COX6B1: variants seen among roughly 807,000 people sequenced by gnomAD.
COX6B1 encodes COX VIb-1.
COX6B1 carries 2 observed loss-of-function variants against 14.0 expected under a neutral mutation model. The ratio of observed to expected loss-of-function variants is 0.14; its 90% CI spans 0.06 to 0.45. The LOEUF is 0.45. COX6B1 is among the 20% of genes least tolerant of loss of function. The pLI is 0.98. For synonymous variants in COX6B1, 30 were observed against 39.7 expected, an observed-to-expected ratio of 0.76 and a Z score of 0.92; for missense variants, 81 against 114.2, an observed-to-expected ratio of 0.71 and a Z score of 1.33.
intron 3 of COX6B1, among the ~76,000 whole-genome samples, chr19:35,655,115 C>T (rs1166987032): frequency 1.3e-5 from 2 of 151,356 alleles, no homozygotes; most frequent in Non-Finnish European, 2.9e-5. Flanking sequence ...CTGCAACCTC[C>T]GCCTCCTGGG....
intron 1 of COX6B1, among the ~76,000 whole-genome samples, chr19:35,649,463 C>T (rs1967799979): frequency 6.6e-6 from 1 of 151,016 alleles, no homozygotes; most frequent in African/African-American, 2.4e-5. Context: ...CGCGCCACCA[C>T]ACCTGGCTAA....
At chr19:35,654,752 A>G in intron 3 of COX6B1, 81 bp downstream of exon 3, 1 of 1,252,146 alleles carries the variant, frequency 8.0e-7, no homozygotes, top group Non-Finnish European at 1.2e-6. Context: ...GTGGGAGCTC[A>G]TCTGTGAGGG....
chr19:35,651,446 G>A (rs1967823847), intron 2 of COX6B1, 97 bp downstream of exon 2: 3 of 886,230 alleles, frequency 3.4e-6, no homozygotes, highest in Non-Finnish European at 5.6e-6. Context: ...CTTTTATTCT[G>A]AACATCCTTA....
chr19:35,652,765 C>T (rs1240403808), intron 2 of COX6B1, among the ~76,000 whole-genome samples: 1 of 151,498 alleles, frequency 6.6e-6, no homozygotes, highest in Non-Finnish European at 1.5e-5. Flanking sequence ...TGTTTTTTAC[C>T]ACCATGTTTA....
In COX6B1 at chr19:35,658,669, T is replaced by A; in HGVS notation, c.*22T>A. 6.2e-7 allele frequency: 1 copy of A among 1,611,842 alleles called. No homozygotes were observed. The highest frequency in any genetic ancestry group is 8.5e-7 in the Non-Finnish European group (1 of 1,178,074). Reference sequence around the variant, plus strand: ...CTGAACTGGCTGCATCTCCCTTTCCTCTGTCCTCCATCCTTCTCCCAGGAT... The same window carrying A: ...CTGAACTGGCTGCATCTCCCTTTCCACTGTCCTCCATCCTTCTCCCAGGAT... On this transcript the variant is annotated 3_prime_UTR_variant, in exon 4 of 4. Coordinates refer to ENST00000649813, the MANE Select transcript of COX6B1 (RefSeq NM_001863.5).
chr19:35,654,679 C>T lies in COX6B1; in HGVS notation c.207+8C>T. 6.2e-7 allele frequency: 1 copy of T among 1,613,290 alleles called. No homozygotes were observed. Among genetic ancestry groups the T allele is most frequent in the Non-Finnish European group, 8.5e-7 (1 of 1,179,284 alleles). ...CTCTGCCCCACATCCTGGGTATGTG[C>T]CTCCTGCCAGGGCCCTTGGGATGCT... On this transcript the variant is annotated splice_region_variant and intron_variant, in intron 3 of 3. Coordinates refer to ENST00000649813, the MANE Select transcript of COX6B1 (RefSeq NM_001863.5).
At chr19:35,651,112 G>T (rs930339360) in intron 1 of COX6B1, 121 bp from the exon 2 acceptor site, 19 of 716,074 alleles carry the variant, frequency 2.7e-5, no homozygotes, top group Non-Finnish European at 3.6e-5. Context: ...ATGTTGAGAG[G>T]CAGGAACTTG....
chr19:35,651,204 C>T lies in COX6B1; in HGVS notation c.-11-29C>T, dbSNP rs1042074089. On this transcript the variant is annotated intron_variant, in intron 1 of 3. Coordinates refer to ENST00000649813, the MANE Select transcript of COX6B1 (RefSeq NM_001863.5). ...GGCTTGCTCAGGGCCCCTGGGGCCC[C>T]TGCTGACACCCACTCCTTTCGCCTC... 2.6e-6 allele frequency: 4 copies of T among 1,526,960 alleles called. No individual in the cohort carries two copies. The African/African-American group carries it at 5.5e-5, about 21-fold the overall frequency. 94.6% of individuals were successfully genotyped at this position (1,526,960 alleles called of 1,614,324 possible).
intron 2 of COX6B1, among the ~76,000 whole-genome samples, chr19:35,652,429 GT>G (rs1967836686): frequency 6.6e-6 from 1 of 151,582 alleles, no homozygotes; most frequent in African/African-American, 2.4e-5. Flanking sequence ...TTTGTTTTTG[GT>G]TTTGGTTTTT....
chr19:35,655,120 C>G (rs1009111503), intron 3 of COX6B1, among the ~76,000 whole-genome samples: 1 of 151,376 alleles, frequency 6.6e-6, no homozygotes, highest in Non-Finnish European at 1.5e-5. Context: ...ACCTCCGCCT[C>G]CTGGGTTCAA....
intron 3 of COX6B1, among the ~76,000 whole-genome samples, chr19:35,655,789 T>TC (rs1391768806): frequency 3.2e-5 from 4 of 126,222 alleles, no homozygotes; most frequent in Non-Finnish European, 5.1e-5. Context: ...CTCTCTCTCT[T>TC]TGTCGCCCTC....
intron 2 of COX6B1, among the ~76,000 whole-genome samples, chr19:35,652,529 G>A (rs1189669712): frequency 6.6e-6 from 1 of 151,524 alleles, no homozygotes; most frequent in East Asian, 1.9e-4. Flanking sequence ...CTGCCTGCTG[G>A]GTTCAAGCAA....
intron 1 of COX6B1, chr19:35,648,944 G>A (rs768394814): frequency 5.6e-6 from 3 of 533,326 alleles, no homozygotes; most frequent in Non-Finnish European, 1.2e-5. Context: ...TGCCCCAGCA[G>A]CTGGTGTTTT....
Position 35,652,717 on chromosome 19 carries a change from A to G in COX6B1, c.106+1368A>G, listed in dbSNP as rs1184500444. Among the ~76,000 whole-genome samples the G allele has an allele frequency of 2.0e-5, 3 of 152,004 alleles. No homozygotes were observed. The East Asian group carries it at 5.8e-4, about 29-fold the overall frequency. On this transcript the variant is annotated intron_variant, in intron 2 of 3. Coordinates refer to ENST00000649813, the MANE Select transcript of COX6B1 (RefSeq NM_001863.5). ...CACCTCAGCCTCCCAAAGTGCTGGA[A>G]TTACAGGCGTGAGCCACTGTGCCCG...
In COX6B1 at chr19:35,658,742, A is replaced by C; in HGVS notation, c.*95A>C. The stretch of plus-strand genomic sequence containing the variant: ...AGTGATCCCCACCCCAGGATCCTAA[A>C]TCATGACTTACCTGCTAATAAAAAC... On this transcript the variant is annotated 3_prime_UTR_variant, in exon 4 of 4. Transcript: ENST00000649813. The C allele has an allele frequency of 9.0e-7, 1 of 1,110,324 alleles. No homozygotes were observed. Among genetic ancestry groups the C allele is most frequent in the Non-Finnish European group, 1.4e-6 (1 of 727,978 alleles). 68.8% of individuals were successfully genotyped at this position (1,110,324 alleles called of 1,614,324 possible).
Position 35,657,538 on chromosome 19 carries a change from C to T in COX6B1, c.208-1056C>T, listed in dbSNP as rs371551096. Among the ~76,000 whole-genome samples, 7 of 151,342 alleles carry T rather than the reference C, an allele frequency of 4.6e-5. 1 individual carries two copies. The South Asian group carries it at 1.0e-3, about 23-fold the overall frequency. Reference sequence around the variant, plus strand: ...CCTGCCTTATAGCATAAAATGTGAGCGTGTATGTATATAAAAACGTTTATG... The same window carrying T: ...CCTGCCTTATAGCATAAAATGTGAGTGTGTATGTATATAAAAACGTTTATG... On this transcript the variant is annotated intron_variant, in intron 3 of 3. Coordinates refer to ENST00000649813, the MANE Select transcript of COX6B1 (RefSeq NM_001863.5).
Position 35,658,641 on chromosome 19 carries a change from G to T in COX6B1, c.255G>T (p.Lys85Asn). The T allele has an allele frequency of 4.3e-6, 7 of 1,614,004 alleles. No individual in the cohort carries two copies. The highest frequency in any genetic ancestry group is 5.9e-6 in the Non-Finnish European group (7 of 1,179,912). ...EQRAEGTFPG[K>N]I The stretch of plus-strand genomic sequence containing the variant: ...GGGCTGAAGGCACGTTTCCCGGGAA[G>T]ATCTGAACTGGCTGCATCTCCCTTT... Residue 85 changes from lysine to asparagine, a missense_variant, in exon 4 of 4, where the codon AAG becomes AAT. Physicochemically the swap from Lys to Asn is moderately conservative, Grantham distance 94. Coordinates refer to ENST00000649813, the MANE Select transcript of COX6B1 (RefSeq NM_001863.5).
At chr19:35,651,444 C>G (rs577967426) in intron 2 of COX6B1, 95 bp downstream of exon 2, 1 of 886,996 alleles carries the variant, frequency 1.1e-6, no homozygotes, top group African/African-American at 1.7e-5. Flanking sequence ...CCCTTTTATT[C>G]TGAACATCCT....
At chr19:35,658,282 G>A (rs1458048455) in intron 3 of COX6B1, among the ~76,000 whole-genome samples, 2 of 152,050 alleles carry the variant, frequency 1.3e-5, no homozygotes, top group African/African-American at 4.8e-5. Flanking sequence ...ACAGCATAGT[G>A]TTGACTTGAG....
Sources: allele counts gnomAD v4.1 joint callset (sites outside exome capture counted in the v4.1 genomes callset), GRCh38; gene constraint gnomAD v4.1.1; transcripts MANE v1.5; gene names NCBI Gene and HGNC (gene_info 2026-07-23, HGNC 2026-07-21).